The following RGS3 variants were observed in gnomAD, a reference collection of about 807,000 sequenced individuals.
The protein encoded by RGS3 is regulator of G protein signaling 3, also known as regulator of G-protein signalling 3.
A neutral mutation model predicts 132.6 loss-of-function variants in RGS3; 80 were observed. That is an observed-to-expected ratio of 0.60 (90% CI 0.50 to 0.73). The LOEUF is 0.73. Among genes scored for constraint, RGS3 ranks in the 30% least tolerant of loss-of-function variants. The probability of loss-of-function intolerance (pLI) is 0.00; values close to 1 mark genes in which losing one functional copy is unlikely to be tolerated. For missense variants in RGS3, 1,382 were observed against 1,530.8 expected (o/e 0.90, Z 1.62); for synonymous variants, 598 against 620.6 (o/e 0.96, Z 0.54).
chr9:113,450,261 C>T (rs991792129), intron 1 of RGS3, among the ~76,000 whole-genome samples: 24 of 151,342 alleles, frequency 1.6e-4, no homozygotes, highest in Admixed American at 1.6e-3. Context: ...TTAGTAGAGA[C>T]GGGGTTTCAC....
intron 19 of RGS3, among the ~76,000 whole-genome samples, chr9:113,556,609 T>C (rs1032124319): frequency 6.6e-6 from 1 of 152,128 alleles, no homozygotes; most frequent in Admixed American, 6.5e-5. Flanking sequence ...CCCGTGTCCT[T>C]AGCTGCTAAA....
intron 19 of RGS3, among the ~76,000 whole-genome samples, chr9:113,570,932 G>A (rs972801582): frequency 2.6e-5 from 4 of 152,218 alleles, no homozygotes; most frequent in East Asian, 3.9e-4. Context: ...CACTGCACCC[G>A]GCCCTTGTCC....
chr9:113,482,989 G>A (rs1339741227), intron 4 of RGS3, 70 bp from the exon 3 acceptor site: 1 of 1,610,862 alleles, frequency 6.2e-7, no homozygotes, highest in East Asian at 2.2e-5. Context: ...GTCTATGTGT[G>A]TCTCTCTTTC....
intron 19 of RGS3, among the ~76,000 whole-genome samples, chr9:113,553,459 A>AAAAAATATAT (rs1426114805): frequency 4.6e-4 from 27 of 58,694 alleles, no homozygotes; most frequent in Non-Finnish European, 7.6e-4. Flanking sequence ...AAAAAAAAAA[A>AAAAAATATAT]ATATATATAT....
chr9:113,483,011 G>C, intron 4 of RGS3, 48 bp from the exon 3 acceptor site: 2 of 1,613,546 alleles, frequency 1.2e-6, no homozygotes, highest in South Asian at 2.2e-5. Context: ...CGCTGTGTGT[G>C]TGTGTATGTT....
intron 10 of RGS3, chr9:113,501,484 G>A (rs1830888675): frequency 6.6e-7 from 1 of 1,513,880 alleles, no homozygotes; most frequent in African/African-American, 1.4e-5. Context: ...TTCCCAGGGT[G>A]CTCATGCCAG....
In RGS3 at chr9:113,506,061, G is replaced by C. The variant is rs563180811; in HGVS notation, c.980-327G>C. 6.6e-6 allele frequency among the ~76,000 whole-genome samples: 1 copy of C among 152,278 alleles called. No individual in the cohort carries two copies. Among genetic ancestry groups the C allele is most frequent in the East Asian group, 1.9e-4 (1 of 5,170 alleles). On this transcript the variant is annotated intron_variant, in intron 11 of 24. Transcript: ENST00000350696. The surrounding 1 kb of genome is among the most constrained non-coding windows in gnomAD (Gnocchi z 4.7). ...AGGAATAAATGTAGTGTGGGAGCCT[G>C]GCCCCAGGGAAGGTTCTCAATGGGG...
chr9:113,492,243 T>C (rs1379880622), intron 7 of RGS3, among the ~76,000 whole-genome samples: 1 of 152,198 alleles, frequency 6.6e-6, no homozygotes, highest in Middle Eastern at 3.2e-3. Context: ...CTATTCCCCA[T>C]ATGTGCTGCA....
intron 15 of RGS3, 60 bp from the exon 14 acceptor site, chr9:113,517,480 TC>T (rs1831736426): frequency 4.4e-6 from 6 of 1,365,040 alleles, no homozygotes; most frequent in Non-Finnish European, 6.3e-6. Context: ...TGCTGCTTCC[TC>T]CCCCCGGGTC....
intron 11 of RGS3, among the ~76,000 whole-genome samples, chr9:113,505,762 A>G (rs1183148688): frequency 2.0e-5 from 3 of 152,182 alleles, no homozygotes; most frequent in Non-Finnish European, 2.9e-5. Flanking sequence ...TTGTTTCCCA[A>G]TCAGTTTGAA....
chr9:113,454,788 C>T (rs1015303789), intron 1 of RGS3, among the ~76,000 whole-genome samples: 2 of 150,422 alleles, frequency 1.3e-5, no homozygotes, highest in Non-Finnish European at 3.0e-5. Context: ...CTATCTAATA[C>T]CTCCTAAGGA....
At chr9:113,596,808 A>G in exon 25 of RGS3, 1 of 1,613,352 alleles carries the variant, frequency 6.2e-7, no homozygotes, top group South Asian at 1.1e-5. Flanking sequence ...ACCAAGGACA[A>G]CCTGCAGAGC....
At chr9:113,531,306 A>T (rs1469763866) in intron 18 of RGS3, among the ~76,000 whole-genome samples, 1 of 152,190 alleles carries the variant, frequency 6.6e-6, no homozygotes, top group African/African-American at 2.4e-5. Context: ...CTAGAATCTG[A>T]TGTTGGCTCC....
intron 10 of RGS3, chr9:113,501,342 A>G: frequency 8.2e-7 from 1 of 1,215,452 alleles, no homozygotes; most frequent in Non-Finnish European, 1.1e-6. Flanking sequence ...GAATTTTAAT[A>G]TAAAACTCTC....
Position 113,518,207 on chromosome 9 carries a change from C to T in RGS3, c.1758+583C>T, listed in dbSNP as rs1588190834. On this transcript the variant is annotated intron_variant, in intron 16 of 24. Coordinates refer to ENST00000350696, the Ensembl canonical transcript of RGS3. The stretch of plus-strand genomic sequence containing the variant: ...ACCCCAGAGCTGGTCAGTTCAGTCT[C>T]TGAGCTTAAACTACTTGGGTACAGA... 5.3e-5 allele frequency among the ~76,000 whole-genome samples: 8 copies of T among 152,364 alleles called. No homozygotes were observed. The South Asian group carries it at 1.7e-3, about 32-fold the overall frequency.
intron 17 of RGS3, among the ~76,000 whole-genome samples, chr9:113,526,157 C>T (rs1832195184): frequency 6.6e-6 from 1 of 152,198 alleles, no homozygotes; most frequent in African/African-American, 2.4e-5. Flanking sequence ...GTCTTTCTGG[C>T]CTGCTCTGGT....
intron 15 of RGS3, among the ~76,000 whole-genome samples, chr9:113,517,080 G>C (rs1831708673): frequency 1.3e-5 from 2 of 152,204 alleles, no homozygotes; most frequent in Non-Finnish European, 2.9e-5. Flanking sequence ...TATGAGTGCA[G>C]AGCAGGGACT....
intron 7 of RGS3, among the ~76,000 whole-genome samples, chr9:113,494,994 C>T (rs922339858): frequency 1.1e-4 from 17 of 152,140 alleles, no homozygotes; most frequent in Non-Finnish European, 2.4e-4. Context: ...CCTGCCTCAG[C>T]CTCCTGAGTA....
chr9:113,461,613 C>A, intron 1 of RGS3: 2 of 1,251,238 alleles, frequency 1.6e-6, no homozygotes, highest in Non-Finnish European at 2.2e-6. Flanking sequence ...CAGAGTGGGG[C>A]AGGAGTCAGG....
Sources: allele counts gnomAD v4.1 joint callset (sites outside exome capture counted in the v4.1 genomes callset), GRCh38; gene constraint gnomAD v4.1.1; non-coding constraint Gnocchi (gnomAD v3.1); transcripts MANE v1.5; gene names NCBI Gene and HGNC (gene_info 2026-07-23, HGNC 2026-07-21).